Variants in HS3ST4 observed in about 807,000 individuals in gnomAD.
The protein encoded by HS3ST4 is heparan sulfate-glucosamine 3-sulfotransferase 4.
Under a neutral mutation model 29.2 loss-of-function variants are expected in HS3ST4, and 17 were observed. The ratio of observed to expected loss-of-function variants is 0.58; its 90% CI spans 0.40 to 0.87. The LOEUF is 0.87. HS3ST4 is among the 40% of genes least tolerant of loss of function. The pLI, the probability that HS3ST4 is intolerant of heterozygous loss-of-function variation, is 0.00. For missense variants in HS3ST4, 627 were observed against 634.5 expected, an observed-to-expected ratio of 0.99 and a Z score of 0.13; for synonymous variants, 314 against 285.7, an observed-to-expected ratio of 1.10 and a Z score of -1.00.
At chr16:25,799,907 A>C in intron 1 of HS3ST4, among the ~76,000 whole-genome samples, 1 of 152,110 alleles carries the variant, frequency 6.6e-6, no homozygotes, top group Non-Finnish European at 1.5e-5. Context: ...GTGCATGGCT[A>C]TTCAGAAGCA....
chr16:26,132,128 A>G (rs1001861676), intron 1 of HS3ST4, among the ~76,000 whole-genome samples: 10 of 152,148 alleles, frequency 6.6e-5, no homozygotes, highest in Admixed American at 2.0e-4. Flanking sequence ...CTGGTAGCTT[A>G]GTGGAGGAAG....
chr16:25,791,841 T>A (rs1379300218), intron 1 of HS3ST4, among the ~76,000 whole-genome samples: 6 of 152,058 alleles, frequency 3.9e-5, no homozygotes, highest in African/African-American at 7.2e-5. Flanking sequence ...TACTTTTTCC[T>A]TTTTAATGTT....
intron 1 of HS3ST4, among the ~76,000 whole-genome samples, chr16:26,054,269 G>GGAGAAAGAGAGAGAGAGAGA (rs1555481159): frequency 6.0e-5 from 8 of 133,646 alleles, no homozygotes; most frequent in African/African-American, 2.0e-4. Context: ...ACAGAGAGAG[G>GGAGAAAGAGAGAGAGAGAGA]GAGAGAGAGA....
chr16:26,006,363 T>C (rs1035788201), intron 1 of HS3ST4, among the ~76,000 whole-genome samples: 18 of 150,492 alleles, frequency 1.2e-4, no homozygotes, highest in African/African-American at 4.2e-4. Flanking sequence ...TTTGCAGATA[T>C]TGTTTTTCAG....
chr16:25,947,016 T>C (rs1968633079), intron 1 of HS3ST4, among the ~76,000 whole-genome samples: 1 of 152,150 alleles, frequency 6.6e-6, no homozygotes. Context: ...TGTGAAGGGT[T>C]TGGGGTTTTG....
At chr16:25,712,287 T>C (rs1417434829) in intron 1 of HS3ST4, among the ~76,000 whole-genome samples, 1 of 152,138 alleles carries the variant, frequency 6.6e-6, no homozygotes, top group Non-Finnish European at 1.5e-5. Flanking sequence ...TTTCAGAAGC[T>C]AGGGCAGGCA....
At chr16:25,978,376 G>T (rs888123891) in intron 1 of HS3ST4, among the ~76,000 whole-genome samples, 1 of 152,222 alleles carries the variant, frequency 6.6e-6, no homozygotes. Context: ...AGTCTCTGTT[G>T]TAACTACTCA....
At chr16:25,786,256 G>T (rs961731583) in intron 1 of HS3ST4, among the ~76,000 whole-genome samples, 2 of 152,116 alleles carry the variant, frequency 1.3e-5, no homozygotes, top group Admixed American at 1.3e-4. Flanking sequence ...GCAGTGAATG[G>T]TTGGGTGGTT....
intron 1 of HS3ST4, among the ~76,000 whole-genome samples, chr16:25,712,640 G>A (rs1356724379): frequency 6.6e-6 from 1 of 151,988 alleles, no homozygotes; most frequent in African/African-American, 2.4e-5. Context: ...TAATAATATT[G>A]GGATGGCAAA....
chr16:25,945,051 T>C (rs896665106), intron 1 of HS3ST4, among the ~76,000 whole-genome samples: 1 of 152,200 alleles, frequency 6.6e-6, no homozygotes, highest in Non-Finnish European at 1.5e-5. Flanking sequence ...AGTGCTAAAA[T>C]TCCCACTGAT....
rs189749294 is a variant in HS3ST4, at chr16:25,940,426, G to T, written c.735-195186G>T. On this transcript the variant is annotated intron_variant, in intron 1 of 1. Transcript: ENST00000331351. ...GTATGGATTTAGGCTATACTTACTTGGTTCCAAAATGCCCAAGATGTCAAG... is the reference window on the plus strand; with the variant it reads ...GTATGGATTTAGGCTATACTTACTTTGTTCCAAAATGCCCAAGATGTCAAG... Among the ~76,000 whole-genome samples, 52 of 152,290 alleles carry T rather than the reference G, an allele frequency of 3.4e-4. 1 individual carries two copies. Among genetic ancestry groups the T allele is most frequent in the African/African-American group, 1.3e-3 (52 of 41,580 alleles).
chr16:25,800,531 A>G (rs1031124281), intron 1 of HS3ST4, among the ~76,000 whole-genome samples: 1 of 152,188 alleles, frequency 6.6e-6, no homozygotes, highest in Non-Finnish European at 1.5e-5. Flanking sequence ...ACAGAAGTAT[A>G]TAAAGCAGAA....
At chr16:25,976,565 C>T (rs887903660) in intron 1 of HS3ST4, among the ~76,000 whole-genome samples, 2 of 152,088 alleles carry the variant, frequency 1.3e-5, no homozygotes, top group Non-Finnish European at 2.9e-5. Flanking sequence ...TGGTGTATGG[C>T]GGTGGGGGTT....
chr16:25,903,919 AC>A (rs1309726338), intron 1 of HS3ST4, among the ~76,000 whole-genome samples: 2 of 152,216 alleles, frequency 1.3e-5, no homozygotes, highest in Non-Finnish European at 2.9e-5. Context: ...TATTTCCAGC[AC>A]CTAAATAGTT....
chr16:25,786,171 G>A (rs865977514), intron 1 of HS3ST4, among the ~76,000 whole-genome samples: 1 of 152,150 alleles, frequency 6.6e-6, no homozygotes, highest in Non-Finnish European at 1.5e-5. Context: ...GGTCTGGGGG[G>A]AAATGAGGAA....
chr16:26,029,574 G>A (rs910268971), intron 1 of HS3ST4, among the ~76,000 whole-genome samples: 17 of 152,134 alleles, frequency 1.1e-4, no homozygotes, highest in Admixed American at 5.9e-4. Context: ...CACCATGCCC[G>A]GCTAATTTTT....
chr16:25,823,370 C>T (rs568902399), intron 1 of HS3ST4, among the ~76,000 whole-genome samples: 9 of 152,204 alleles, frequency 5.9e-5, no homozygotes, highest in African/African-American at 1.7e-4. Context: ...TCCTTTCCTA[C>T]GATAATGACT....
chr16:25,966,995 AAC>A (rs1968849060), intron 1 of HS3ST4, among the ~76,000 whole-genome samples: 1 of 152,146 alleles, frequency 6.6e-6, no homozygotes, highest in African/African-American at 2.4e-5. Context: ...ACCTGTTAGA[AAC>A]ACAATTTCTT....
rs181499611 is a variant in HS3ST4 at position 25,828,254 on chromosome 16, T to A, written c.734+135103T>A. ...TCTTTCTTTCTTTCTCTTTCTTTCT[T>A]TCTTTCTTTCTTTCTTTCTTTCTTT... is the stretch of plus-strand genomic sequence containing the variant. On this transcript the variant is annotated intron_variant, in intron 1 of 1. Coordinates refer to ENST00000331351, the MANE Select transcript of HS3ST4 (RefSeq NM_006040.3). Among the ~76,000 whole-genome samples, 250 of 73,670 alleles carry A rather than the reference T, an allele frequency of 3.4e-3. 9 individuals are homozygous for A. Among genetic ancestry groups the A allele is most frequent in the Non-Finnish European group, 4.0e-3 (149 of 37,112 alleles). The allele number at this position is 73,670 out of a possible 152,430, so 48.3% of individuals were successfully genotyped here. A position where few individuals can be genotyped will look rare whatever the true frequency, so the allele number is the denominator to read the frequency against.
Sources: allele counts gnomAD v4.1 joint callset (sites outside exome capture counted in the v4.1 genomes callset), GRCh38; gene constraint gnomAD v4.1.1; transcripts MANE v1.5; gene names NCBI Gene and HGNC (gene_info 2026-07-23, HGNC 2026-07-21).